The following PCDHA7 variants were observed in gnomAD, a reference collection of about 807,000 sequenced individuals.
The protein encoded by PCDHA7 is protocadherin alpha 7.
A neutral mutation model predicts 57.2 loss-of-function variants in PCDHA7; 37 were observed. The ratio of observed to expected loss-of-function variants is 0.65; its 90% CI spans 0.50 to 0.85. The LOEUF (loss-of-function observed/expected upper bound fraction) is 0.85, where lower values mean the gene tolerates loss of function less well. Ranked by LOEUF, PCDHA7 falls within the 40% of genes least tolerant of loss-of-function variation. PCDHA7 has a pLI of 0.00. For missense variants in PCDHA7, 1,188 were observed against 1,241.8 expected (o/e 0.96, Z 0.65); for synonymous variants, 553 against 558.8 (o/e 0.99, Z 0.15).
chr5:140,954,845 C>T (rs1479368081), intron 1 of PCDHA7, among the ~76,000 whole-genome samples: 2 of 152,140 alleles, frequency 1.3e-5, no homozygotes, highest in African/African-American at 4.8e-5. Context: ...AAATCTTTGC[C>T]TGTGCCTATG....
intron 1 of PCDHA7, chr5:140,858,620 C>T (rs570456010): frequency 8.8e-7 from 1 of 1,142,316 alleles, no homozygotes; most frequent in Non-Finnish European, 1.2e-6. Context: ...TTATCCTACC[C>T]AGTGTGTCAG....
chr5:140,862,657 C>T (rs2047475881), intron 1 of PCDHA7: 2 of 545,364 alleles, frequency 3.7e-6, no homozygotes, highest in South Asian at 2.8e-5. Context: ...CGCGCGGGAC[C>T]GGGACGCGCA....
chr5:140,899,609 A>G (rs898089235), intron 1 of PCDHA7, among the ~76,000 whole-genome samples: 12 of 152,104 alleles, frequency 7.9e-5, no homozygotes, highest in Non-Finnish European at 1.6e-4. Context: ...CTTTTGCATC[A>G]ATGTTCATCA....
At chr5:140,958,498 G>A (rs2095427243) in intron 1 of PCDHA7, among the ~76,000 whole-genome samples, 1 of 152,020 alleles carries the variant, frequency 6.6e-6, no homozygotes, top group African/African-American at 2.4e-5. Context: ...ACATATCCTA[G>A]GAGGCATGGC....
intron 3 of PCDHA7, among the ~76,000 whole-genome samples, chr5:141,008,684 G>A (rs1426948038): frequency 2.0e-5 from 3 of 152,236 alleles, no homozygotes; most frequent in South Asian, 4.2e-4. Flanking sequence ...TTTAGTTATT[G>A]CATGTATTAA....
chr5:140,996,531 G>A (rs782175834), intron 3 of PCDHA7, among the ~76,000 whole-genome samples: 1 of 152,146 alleles, frequency 6.6e-6, no homozygotes, highest in African/African-American at 2.4e-5. Context: ...GGCCCTGTGT[G>A]TTTTGATATT....
chr5:140,980,427 C>T (rs551274468), intron 2 of PCDHA7, among the ~76,000 whole-genome samples: 2 of 152,198 alleles, frequency 1.3e-5, no homozygotes, highest in South Asian at 2.1e-4. Flanking sequence ...GTCAAGAGAT[C>T]GAGACCATCC....
intron 1 of PCDHA7, chr5:140,929,010 G>C (rs1554206575): frequency 6.2e-7 from 1 of 1,614,128 alleles, no homozygotes; most frequent in Non-Finnish European, 8.5e-7. Flanking sequence ...TGTGTACCAA[G>C]TTGCACCAGA....
rs1021823272 is a variant in PCDHA7, at chr5:140,866,632, C to T, written c.2355+29894C>T. ...GGAGAACCTCCTGGGGTTCTGACAA[C>T]GGTGTCAAAATTTATTTATGTGTTT... On this transcript the variant is annotated intron_variant, in intron 1 of 3. Coordinates refer to ENST00000525929, the MANE Select transcript of PCDHA7 (RefSeq NM_018910.3). 22 of 152,178 alleles carry T rather than the reference C, an allele frequency of 1.4e-4. No homozygotes were observed. In the South Asian group the frequency reaches 2.9e-3, roughly 20 times the overall value. The allele number at this position is 152,178 out of a possible 1,614,324, so 9.4% of individuals were successfully genotyped here.
intron 1 of PCDHA7, among the ~76,000 whole-genome samples, chr5:140,935,657 T>C (rs2090486652): frequency 1.3e-5 from 2 of 152,176 alleles, no homozygotes; most frequent in Non-Finnish European, 2.9e-5. Flanking sequence ...TTTAATTTTC[T>C]TTTATAATTA....
chr5:140,913,781 A>G (rs1554196050), intron 1 of PCDHA7, among the ~76,000 whole-genome samples: 2 of 151,976 alleles, frequency 1.3e-5, no homozygotes, highest in African/African-American at 4.8e-5. Flanking sequence ...TTGTGTTTCC[A>G]TTATCATTTG....
At chr5:140,963,871 T>A (rs2095795562) in intron 1 of PCDHA7, among the ~76,000 whole-genome samples, 1 of 152,238 alleles carries the variant, frequency 6.6e-6, no homozygotes, top group Non-Finnish European at 1.5e-5. Context: ...GAGTTTTGCT[T>A]ACTATTGTTT....
At chr5:140,909,866 A>G (rs1203006388) in intron 1 of PCDHA7, among the ~76,000 whole-genome samples, 2 of 152,212 alleles carry the variant, frequency 1.3e-5, no homozygotes, top group African/African-American at 2.4e-5. Context: ...CCTGGAGTCA[A>G]CGTCAGCTTA....
rs868923213 is a variant in PCDHA7 at position 140,920,059 on chromosome 5, G to C, written c.2356-58890G>C. 3.9e-5 allele frequency among the ~76,000 whole-genome samples: 6 copies of C among 152,144 alleles called. No individual in the cohort carries two copies. The South Asian group carries it at 6.2e-4, about 16-fold the overall frequency. The stretch of plus-strand genomic sequence containing the variant: ...GTGATGTCAACAGCCACCAACACCT[G>C]GAAAAGGCAGAAACAGATTCTCCGT... On this transcript the variant is annotated intron_variant, in intron 1 of 3. Transcript: ENST00000525929.
intron 1 of PCDHA7, chr5:140,927,853 G>A: frequency 6.2e-7 from 1 of 1,614,214 alleles, no homozygotes. Flanking sequence ...CTTTGGTTTA[G>A]CTAGCACCGC....
intron 3 of PCDHA7, among the ~76,000 whole-genome samples, chr5:140,985,406 GA>G (rs1554247033): frequency 6.6e-6 from 1 of 152,136 alleles, no homozygotes; most frequent in Non-Finnish European, 1.5e-5. Flanking sequence ...TGTTCCCCTG[GA>G]AATGGAGTGA....
At chr5:140,921,621 A>G (rs1274986378) in intron 1 of PCDHA7, among the ~76,000 whole-genome samples, 1 of 152,222 alleles carries the variant, frequency 6.6e-6, no homozygotes, top group African/African-American at 2.4e-5. Context: ...ATATCATCAG[A>G]TCATCATTAT....
rs1358633051 is a variant in PCDHA7, at chr5:140,859,520, T to TA, written c.2355+22790dup. On this transcript the variant is annotated intron_variant, in intron 1 of 3. Coordinates refer to ENST00000525929, the MANE Select transcript of PCDHA7 (RefSeq NM_018910.3). ...TACCTGATACCCATGATTTCATTTT[T>TA]AAAAAAAATTTATTAATTCTAGTGT... 5.7e-5 allele frequency: 11 copies of TA among 194,288 alleles called. 2 individuals are homozygous for TA. The highest frequency in any genetic ancestry group is 1.0e-4 in the Non-Finnish European group (10 of 97,338). The allele number at this position is 194,288 out of a possible 1,614,324, so 12.0% of individuals were successfully genotyped here. A position where few individuals can be genotyped will look rare whatever the true frequency, so the allele number is the denominator to read the frequency against.
intron 1 of PCDHA7, among the ~76,000 whole-genome samples, chr5:140,948,446 G>A (rs1445406552): frequency 6.6e-6 from 1 of 151,446 alleles, no homozygotes; most frequent in Non-Finnish European, 1.5e-5. Flanking sequence ...CTGTGCCAGG[G>A]ATTTTCTTTT....
Sources: gnomAD v4.1 joint callset for allele counts (sites outside exome capture counted in the v4.1 genomes callset) on GRCh38, gnomAD v4.1.1 for gene constraint, MANE v1.5 for transcripts, NCBI Gene and HGNC (gene_info 2026-07-23, HGNC 2026-07-21) for gene names.